Variants in MCF2L observed in about 807,000 individuals in gnomAD.
The protein encoded by MCF2L is MCF.2 cell line derived transforming sequence like, also known as guanine nucleotide exchange factor DBS.
Under a neutral mutation model 153.4 loss-of-function variants are expected in MCF2L, and 97 were observed. The ratio of observed to expected loss-of-function variants is 0.63; its 90% CI spans 0.54 to 0.75. The LOEUF (loss-of-function observed/expected upper bound fraction) is 0.75, where lower values mean the gene tolerates loss of function less well. MCF2L is among the 30% of genes least tolerant of loss of function. MCF2L has a pLI of 0.00. For missense variants in MCF2L, 1,347 were observed against 1,495.2 expected (o/e 0.90, Z 1.64); for synonymous variants, 659 against 632.2 (o/e 1.04, Z -0.64).
At position 112,983,560 on chromosome 13, in the gene MCF2L, C is replaced by T. The variant is rs1198400613; in HGVS notation, c.79+14102C>T. ...TCTCCAAAGCCCGTGGTGCTGGGCA[C>T]GGCAGAGCCGTAGGCGGAGACAGGG... On this transcript the variant is annotated intron_variant, in intron 1 of 29. Coordinates refer to ENST00000535094, the MANE Select transcript of MCF2L (RefSeq NM_001112732.3). This position sits in a 1 kb window ranked among gnomAD's most constrained non-coding sequence, Gnocchi z 4.0. 6.6e-6 allele frequency among the ~76,000 whole-genome samples: 1 copy of T among 152,230 alleles called. No individual in the cohort carries two copies.
chr13:112,919,127 C>A (rs973000591), intron 2 of MCF2L, among the ~76,000 whole-genome samples: 1 of 152,122 alleles, frequency 6.6e-6, no homozygotes, highest in Non-Finnish European at 1.5e-5. Flanking sequence ...AGATATAAAA[C>A]CACACAATAT....
chr13:113,077,244 T>C, intron 13 of MCF2L, 33 bp downstream of exon 13: 7 of 1,497,830 alleles, frequency 4.7e-6, no homozygotes, highest in Non-Finnish European at 6.3e-6. Flanking sequence ...CCGGGTGCTG[T>C]GGGACCCTCG....
chr13:113,077,417 C>A (rs489829), intron 13 of MCF2L, among the ~76,000 whole-genome samples: 10 of 152,086 alleles, frequency 6.6e-5, no homozygotes, highest in Non-Finnish European at 1.3e-4. Context: ...TTGTCAGGAC[C>A]CGGCCACGCC....
At chr13:112,962,262 C>T (rs2081840049) in intron 2 of MCF2L, among the ~76,000 whole-genome samples, 2 of 152,042 alleles carry the variant, frequency 1.3e-5, no homozygotes, top group South Asian at 2.1e-4. Context: ...GACATGCTCA[C>T]ACATGTAGGC....
chr13:113,046,412 C>T lies in MCF2L; in HGVS notation c.369+1051C>T, dbSNP rs115114795. ...GCTCCAAGCATTCCCCAGCACCAAA[C>T]CCCAGTGAAGTCAGATTCTCCCAGT... On this transcript the variant is annotated intron_variant, in intron 4 of 29. Transcript: ENST00000535094. The surrounding 1 kb of genome is among the most constrained non-coding windows in gnomAD (Gnocchi z 4.4). 1 of 445,256 alleles carries T rather than the reference C, an allele frequency of 2.2e-6. No individual in the cohort carries two copies. Among genetic ancestry groups the T allele is most frequent in the East Asian group, 5.7e-5 (1 of 17,640 alleles). 27.6% of individuals were successfully genotyped at this position (445,256 alleles called of 1,614,324 possible).
At chr13:112,968,836 G>A (rs1362887207), upstream of MCF2L, 9 of 1,241,500 alleles carry the variant, frequency 7.2e-6, no homozygotes, top group African/African-American at 6.4e-5. Context: ...GGGGGGAAGG[G>A]CGGGGGCACT....
intron 16 of MCF2L, among the ~76,000 whole-genome samples, chr13:113,081,870 C>T (rs562795486): frequency 6.6e-6 from 1 of 150,534 alleles, no homozygotes; most frequent in East Asian, 2.0e-4. Flanking sequence ...TCTGATTCAC[C>T]GAGTGTGCAC....
In MCF2L at chr13:113,035,115, A is replaced by G. The variant is rs1191003398; in HGVS notation, c.279-10156A>G. Among the ~76,000 whole-genome samples the G allele has an allele frequency of 6.6e-6, 1 of 152,186 alleles. No homozygotes were observed. Among genetic ancestry groups the G allele is most frequent in the Non-Finnish European group, 1.5e-5 (1 of 68,030 alleles). On this transcript the variant is annotated intron_variant, in intron 3 of 29. Coordinates refer to ENST00000535094, the MANE Select transcript of MCF2L (RefSeq NM_001112732.3). The surrounding 1 kb of genome is among the most constrained non-coding windows in gnomAD (Gnocchi z 4.4). ...AGACCTCACCATTCCCGACGGGAAC[A>G]CTTGTGATATTCACTTCCAACCACA...
At chr13:113,078,782 G>T in intron 15 of MCF2L, 43 bp downstream of exon 15, 1 of 1,531,966 alleles carries the variant, frequency 6.5e-7, no homozygotes, top group Non-Finnish European at 8.8e-7. Flanking sequence ...CCCTCCGACC[G>T]CAGCCTGAAC....
At chr13:112,902,448 T>C (rs1021700322) in intron 2 of MCF2L, 25 of 1,410,334 alleles carry the variant, frequency 1.8e-5, no homozygotes, top group Non-Finnish European at 2.3e-5. Context: ...TCTTTGCTAT[T>C]CCGGTCCTTT....
Position 113,015,534 on chromosome 13 carries a change from C to T in MCF2L, c.163+688C>T, listed in dbSNP as rs1489958429. Among the ~76,000 whole-genome samples, 4 of 152,194 alleles carry T rather than the reference C, an allele frequency of 2.6e-5. No individual in the cohort carries two copies. The East Asian group carries it at 7.8e-4, about 29-fold the overall frequency. On this transcript the variant is annotated intron_variant, in intron 2 of 29. Coordinates refer to ENST00000535094, the MANE Select transcript of MCF2L (RefSeq NM_001112732.3). The stretch of plus-strand genomic sequence containing the variant: ...GCCGAGGACGCGGTGCTCTTGGGAG[C>T]TCAGCCTCTGCCCCTCTGCATTCCC...
At chr13:113,061,158 C>A (rs1232277180) in intron 5 of MCF2L, among the ~76,000 whole-genome samples, 1 of 152,056 alleles carries the variant, frequency 6.6e-6, no homozygotes. Context: ...GAGGGAGCAC[C>A]CACTGCTGAC....
At chr13:112,897,022 G>A (rs1225150695) in intron 1 of MCF2L, among the ~76,000 whole-genome samples, 3 of 152,328 alleles carry the variant, frequency 2.0e-5, no homozygotes, top group African/African-American at 7.2e-5. Flanking sequence ...AGGCCAGGCC[G>A]GCAGAGCACA....
At chr13:112,968,689 C>G, upstream of MCF2L, 1 of 1,433,572 alleles carries the variant, frequency 7.0e-7, no homozygotes, top group Non-Finnish European at 9.1e-7. Context: ...TCTGCAGCTT[C>G]TACACCTGCC....
At chr13:112,937,099 G>C (rs1310211671) in intron 2 of MCF2L, among the ~76,000 whole-genome samples, 1 of 152,030 alleles carries the variant, frequency 6.6e-6, no homozygotes, top group East Asian at 1.9e-4. Flanking sequence ...TGTCCCCCAG[G>C]CTGGAGTACA....
At chr13:112,994,834 C>T (rs771878291) in intron 1 of MCF2L, among the ~76,000 whole-genome samples, 1 of 152,260 alleles carries the variant, frequency 6.6e-6, no homozygotes, top group Non-Finnish European at 1.5e-5. Context: ...TTGGGGGCTG[C>T]GCAGCCAGTG....
rs2085702070 is a variant in MCF2L, at chr13:113,031,250, CAGAGAT to C, written c.278+6498_278+6503del. Among the ~76,000 whole-genome samples, 1 of 150,970 alleles carries C rather than the reference CAGAGAT, an allele frequency of 6.6e-6. No homozygotes were observed. The highest frequency in any genetic ancestry group is 1.5e-5 in the Non-Finnish European group (1 of 67,912). ...GACAGAGAGAAGAGACAGAGAGTGA[CAGAGAT>C]AGAGACAGACAGACAGAGACACGGA... On this transcript the variant is annotated intron_variant, in intron 3 of 29. Coordinates refer to ENST00000535094, the MANE Select transcript of MCF2L (RefSeq NM_001112732.3). The surrounding 1 kb of genome is among the most constrained non-coding windows in gnomAD (Gnocchi z 5.5).
intron 2 of MCF2L, among the ~76,000 whole-genome samples, chr13:113,021,084 G>A (rs1476669926): frequency 6.6e-6 from 1 of 152,008 alleles, no homozygotes; most frequent in East Asian, 1.9e-4. Flanking sequence ...GTGTATGTTT[G>A]TACATATATG....
At chr13:112,938,526 A>G (rs11616463) in intron 2 of MCF2L, among the ~76,000 whole-genome samples, 28,541 of 152,140 alleles carry the variant, frequency 0.19, 2,752 homozygotes, top group Admixed American at 0.22. Flanking sequence ...AAATGAAGGA[A>G]TTGCAGGAAT....
Sources: gnomAD v4.1 joint callset for allele counts (sites outside exome capture counted in the v4.1 genomes callset) on GRCh38, gnomAD v4.1.1 for gene constraint, Gnocchi (gnomAD v3.1) non-coding constraint, MANE v1.5 for transcripts, NCBI Gene and HGNC (gene_info 2026-07-23, HGNC 2026-07-21) for gene names.